Variants in MAGI1 observed in about 807,000 individuals in gnomAD.
MAGI1 encodes membrane associated guanylate kinase, WW and PDZ domain containing 1, also known as membrane-associated guanylate kinase, WW and PDZ domain-containing protein 1.
A neutral mutation model predicts 139.9 loss-of-function variants in MAGI1; 58 were observed. The ratio of observed to expected loss-of-function variants is 0.41; its 90% CI spans 0.34 to 0.52. MAGI1 has a LOEUF of 0.52. Ranked by LOEUF, MAGI1 falls within the 20% of genes least tolerant of loss-of-function variation. The pLI is 0.12. For missense variants in MAGI1, 1,874 were observed against 1,901.6 expected (o/e 0.99, Z 0.27); for synonymous variants, 812 against 737.9 (o/e 1.10, Z -1.63).
rs147527088 is a variant in MAGI1 at position 65,610,268 on chromosome 3, G to C, written c.430+11704C>G. 8.9e-3 allele frequency among the ~76,000 whole-genome samples: 1,350 copies of C among 152,146 alleles called. 11 individuals are homozygous for C. The highest frequency in any genetic ancestry group is 0.011 in the Non-Finnish European group (762 of 67,978). On this transcript the variant is annotated intron_variant, in intron 2 of 22. Transcript: ENST00000402939. ...CAATAGCTCGCCTCTGGGAGAACTAGAATTGAACATCAAACAAAAAAGTTA... is the reference window on the plus strand; with the variant it reads ...CAATAGCTCGCCTCTGGGAGAACTACAATTGAACATCAAACAAAAAAGTTA...
intron 5 of MAGI1, 169 bp downstream of exon 5, chr3:65,470,114 G>T: frequency 1.8e-6 from 1 of 560,666 alleles, no homozygotes; most frequent in Non-Finnish European, 3.1e-6. Flanking sequence ...TCGATAAGTT[G>T]GTAATAATTA....
At chr3:65,753,409 T>C (rs1489033297) in intron 1 of MAGI1, among the ~76,000 whole-genome samples, 1 of 152,154 alleles carries the variant, frequency 6.6e-6, no homozygotes, top group Admixed American at 6.5e-5. Context: ...ATGGTTATTA[T>C]CTCCATTTTA....
At chr3:65,818,908 G>A (rs1108718) in intron 1 of MAGI1, among the ~76,000 whole-genome samples, 72,553 of 151,976 alleles carry the variant, frequency 0.48, 18,718 homozygotes, top group East Asian at 0.75. Context: ...GATCAATAAC[G>A]TTGATTGAAT....
intron 1 of MAGI1, among the ~76,000 whole-genome samples, chr3:66,001,340 T>G (rs1183311866): frequency 6.6e-6 from 1 of 152,054 alleles, no homozygotes; most frequent in Non-Finnish European, 1.5e-5. Context: ...ATATATAATA[T>G]CTAAAAATTA....
intron 1 of MAGI1, among the ~76,000 whole-genome samples, chr3:65,645,399 G>C (rs564163204): frequency 6.0e-4 from 92 of 152,242 alleles, no homozygotes; most frequent in African/African-American, 1.9e-3. Context: ...CATTTTTCAA[G>C]TCCTAGAAGA....
chr3:65,502,800 TGCGTTGAA>T (rs1212473339), intron 2 of MAGI1, among the ~76,000 whole-genome samples: 1 of 152,016 alleles, frequency 6.6e-6, no homozygotes, highest in Non-Finnish European at 1.5e-5. Context: ...GACAGAAGGG[TGCGTTGAA>T]GCAGAAACAA....
At chr3:65,675,671 C>G (rs184785869) in intron 1 of MAGI1, among the ~76,000 whole-genome samples, 1 of 152,124 alleles carries the variant, frequency 6.6e-6, no homozygotes, top group African/African-American at 2.4e-5. Context: ...AGTGTCACAG[C>G]GGCACATGTA....
At chr3:65,821,747 G>A (rs1435098303) in intron 1 of MAGI1, among the ~76,000 whole-genome samples, 2 of 152,172 alleles carry the variant, frequency 1.3e-5, no homozygotes, top group Non-Finnish European at 2.9e-5. Flanking sequence ...CCTGGGCAAA[G>A]GGGATGCTTG....
intron 1 of MAGI1, among the ~76,000 whole-genome samples, chr3:65,836,099 T>G (rs557375768): frequency 5.9e-5 from 9 of 152,136 alleles, no homozygotes; most frequent in Non-Finnish European, 1.2e-4. Context: ...TGTGCTGTCA[T>G]CTACCAACCA....
chr3:65,390,963 A>G (rs1943878653), intron 14 of MAGI1, among the ~76,000 whole-genome samples, 179 bp downstream of exon 14: 1 of 152,172 alleles, frequency 6.6e-6, no homozygotes, highest in African/African-American at 2.4e-5. Context: ...AAGTGAAGGC[A>G]TAGTGGAGAC....
intron 2 of MAGI1, among the ~76,000 whole-genome samples, chr3:65,515,526 G>T (rs567040564): frequency 6.6e-6 from 1 of 152,038 alleles, no homozygotes; most frequent in Non-Finnish European, 1.5e-5. Context: ...TCACACAATA[G>T]GGCCTGATCA....
At chr3:65,700,176 ACTCACGT>A (rs1288742451) in intron 1 of MAGI1, among the ~76,000 whole-genome samples, 2 of 152,112 alleles carry the variant, frequency 1.3e-5, no homozygotes, top group African/African-American at 4.8e-5. Context: ...GGGCGCGGTG[ACTCACGT>A]CTGTAATTCC....
In MAGI1 at chr3:65,393,442, T is replaced by C. The variant is rs140914306; in HGVS notation, c.2200-2084A>G. ...CTACCTTTTTTACTTTTATGGTGCA[T>C]AGAGAATACTTTTTATAATCAAGAC... On this transcript the variant is annotated intron_variant, in intron 13 of 22. Coordinates refer to ENST00000402939, the MANE Select transcript of MAGI1 (RefSeq NM_001033057.2). Among the ~76,000 whole-genome samples the C allele has an allele frequency of 2.8e-4, 42 of 152,292 alleles. No homozygotes were observed. The East Asian group carries it at 7.5e-3, about 27-fold the overall frequency.
chr3:65,423,624 G>T (rs773041286), intron 12 of MAGI1, among the ~76,000 whole-genome samples: 1 of 152,190 alleles, frequency 6.6e-6, no homozygotes, highest in Non-Finnish European at 1.5e-5. Flanking sequence ...TGTAAGGCAG[G>T]AGGCTTTTGG....
At chr3:65,578,931 G>GAC (rs2081295733) in intron 2 of MAGI1, among the ~76,000 whole-genome samples, 1 of 145,842 alleles carries the variant, frequency 6.9e-6, no homozygotes, top group African/African-American at 2.5e-5. Context: ...CAAAGAGAGA[G>GAC]AGAGAGAGAG....
intron 2 of MAGI1, among the ~76,000 whole-genome samples, chr3:65,590,921 T>C (rs1015721236): frequency 6.6e-6 from 1 of 152,234 alleles, no homozygotes; most frequent in Non-Finnish European, 1.5e-5. Flanking sequence ...GATGAGAATG[T>C]AAATTATATA....
intron 2 of MAGI1, among the ~76,000 whole-genome samples, chr3:65,556,560 C>T (rs1249987394): frequency 6.6e-6 from 1 of 152,294 alleles, no homozygotes; most frequent in South Asian, 2.1e-4. Context: ...CTGGACAACC[C>T]TCTTCACTTT....
intron 1 of MAGI1, among the ~76,000 whole-genome samples, chr3:65,936,718 C>A (rs566049507): frequency 9.2e-5 from 14 of 151,882 alleles, no homozygotes; most frequent in Admixed American, 3.9e-4. Context: ...AAGTCTCGTG[C>A]GGGGTGTGTG....
chr3:65,517,339 C>T (rs138188585), intron 2 of MAGI1, among the ~76,000 whole-genome samples: 116 of 152,288 alleles, frequency 7.6e-4, no homozygotes, highest in Non-Finnish European at 1.5e-3. Flanking sequence ...TAATGGCTTA[C>T]TGTAAATCGT....
Sources: gnomAD v4.1 joint callset for allele counts (sites outside exome capture counted in the v4.1 genomes callset) on GRCh38, gnomAD v4.1.1 for gene constraint, MANE v1.5 for transcripts, NCBI Gene and HGNC (gene_info 2026-07-23, HGNC 2026-07-21) for gene names.